Variants in FRMD4A observed in about 807,000 individuals in gnomAD.
The protein encoded by FRMD4A is FERM domain containing 4A, also known as FERM domain-containing protein 4A.
In FRMD4A, 29 loss-of-function variants were observed where a neutral mutation model predicts 129.1. That is an observed-to-expected ratio of 0.22 (90% CI 0.17 to 0.31). FRMD4A has a LOEUF of 0.31. FRMD4A is among the 10% of genes least tolerant of loss of function. The pLI is 1.00. For synonymous variants in FRMD4A, 634 were observed against 571.6 expected (o/e 1.11, Z -1.56); for missense variants, 1,272 against 1,375.8 (o/e 0.92, Z 1.19).
chr10:13,788,550 A>G (rs998196614), intron 5 of FRMD4A, among the ~76,000 whole-genome samples: 8 of 152,176 alleles, frequency 5.3e-5, no homozygotes, highest in African/African-American at 1.9e-4. Context: ...CAGCTGAATC[A>G]TAATCAGACC....
intron 2 of FRMD4A, chr10:14,082,855 T>TTTTACA (rs1156287519): frequency 1.3e-5 from 2 of 152,150 alleles, no homozygotes; most frequent in Non-Finnish European, 2.9e-5. Flanking sequence ...TCTGAGCAAA[T>TTTTACA]AGATTTTACA....
At chr10:13,850,455 G>C (rs10796140) in intron 3 of FRMD4A, among the ~76,000 whole-genome samples, 2 of 151,916 alleles carry the variant, frequency 1.3e-5, no homozygotes, top group East Asian at 1.9e-4. Context: ...TGCTGTGGAA[G>C]TGTCTTCCAC....
chr10:13,895,625 G>A (rs920211521), intron 2 of FRMD4A, among the ~76,000 whole-genome samples: 1 of 152,162 alleles, frequency 6.6e-6, no homozygotes, highest in Admixed American at 6.6e-5. Flanking sequence ...AATAGGTCGT[G>A]ATGACTAAAA....
intron 2 of FRMD4A, among the ~76,000 whole-genome samples, chr10:14,305,556 C>T (rs1260403400): frequency 6.6e-6 from 1 of 151,878 alleles, no homozygotes; most frequent in Non-Finnish European, 1.5e-5. Flanking sequence ...ATCTTTAAGG[C>T]CAGATGGTGT....
intron 2 of FRMD4A, among the ~76,000 whole-genome samples, chr10:14,136,759 G>T (rs1432310531): frequency 6.7e-6 from 1 of 150,340 alleles, no homozygotes; most frequent in Non-Finnish European, 1.5e-5. Flanking sequence ...AATGTCTCTT[G>T]TCTTCCTTAA....
rs201345379 is a variant in FRMD4A, at chr10:13,674,887, C to T, written c.1251+24G>A. On this transcript the variant is annotated intron_variant, in intron 16 of 24. Coordinates refer to ENST00000357447, the MANE Select transcript of FRMD4A (RefSeq NM_018027.5). ...ACATCACAGACAACACCAATTTCAA[C>T]GGGATGAGCTAGGAAAGGCTTACAG... 1.2e-3 allele frequency: 1,902 copies of T among 1,611,964 alleles called. 4 individuals carry two copies. Among genetic ancestry groups the T allele is most frequent in the Non-Finnish European group, 1.4e-3 (1,617 of 1,178,274 alleles).
chr10:13,838,524 G>A (rs971947927), intron 3 of FRMD4A, among the ~76,000 whole-genome samples: 2 of 149,712 alleles, frequency 1.3e-5, no homozygotes, highest in South Asian at 2.1e-4. Context: ...ATTGAGTCTC[G>A]CTCTGTTGCC....
At chr10:14,061,300 A>T (rs1834801843) in intron 2 of FRMD4A, among the ~76,000 whole-genome samples, 1 of 152,022 alleles carries the variant, frequency 6.6e-6, no homozygotes, top group Non-Finnish European at 1.5e-5. Flanking sequence ...AAAAATACAA[A>T]AATTATCCAG....
intron 2 of FRMD4A, among the ~76,000 whole-genome samples, chr10:13,934,556 C>T (rs1054531510): frequency 6.6e-6 from 1 of 151,966 alleles, no homozygotes; most frequent in Non-Finnish European, 1.5e-5. Context: ...CAGGGTAATC[C>T]CACTTATATC....
intron 2 of FRMD4A, among the ~76,000 whole-genome samples, chr10:14,092,970 T>G (rs901205610): frequency 6.6e-6 from 1 of 152,146 alleles, no homozygotes; most frequent in Admixed American, 6.5e-5. Context: ...AAAGTCAATA[T>G]GATTGGCCCA....
chr10:14,203,293 G>T (rs570117144), intron 2 of FRMD4A, among the ~76,000 whole-genome samples: 1 of 152,284 alleles, frequency 6.6e-6, no homozygotes, highest in South Asian at 2.1e-4. Flanking sequence ...TGACTACAAC[G>T]TCGTTTCCCC....
At chr10:14,228,258 G>A (rs927956402) in intron 2 of FRMD4A, among the ~76,000 whole-genome samples, 1 of 152,092 alleles carries the variant, frequency 6.6e-6, no homozygotes, top group African/African-American at 2.4e-5. Context: ...CTCACACCCA[G>A]GAATTCAAAT....
intron 2 of FRMD4A, among the ~76,000 whole-genome samples, chr10:13,989,835 C>G (rs1043170156): frequency 9.2e-5 from 14 of 152,194 alleles, no homozygotes; most frequent in African/African-American, 3.1e-4. Flanking sequence ...CAGACAAACT[C>G]CATGGAACAT....
intron 2 of FRMD4A, among the ~76,000 whole-genome samples, chr10:14,251,693 T>C (rs147231540): frequency 7.9e-5 from 12 of 152,290 alleles, no homozygotes; most frequent in African/African-American, 2.9e-4. Flanking sequence ...AGAAGTCTCT[T>C]TGAGTGGCTC....
At chr10:14,243,846 G>T (rs1316745357) in intron 2 of FRMD4A, among the ~76,000 whole-genome samples, 7 of 148,900 alleles carry the variant, frequency 4.7e-5, no homozygotes, top group African/African-American at 1.5e-4. Context: ...AAAAAAAAAG[G>T]AGTAGTCAGC....
At chr10:14,044,994 C>T (rs1833927499) in intron 2 of FRMD4A, among the ~76,000 whole-genome samples, 1 of 152,086 alleles carries the variant, frequency 6.6e-6, no homozygotes. Context: ...CCTCAAACTC[C>T]TGGCCTCAAG....
chr10:14,025,625 T>G (rs990619134), intron 2 of FRMD4A, among the ~76,000 whole-genome samples: 22 of 152,132 alleles, frequency 1.4e-4, no homozygotes, highest in Non-Finnish European at 2.9e-5. Context: ...CCACCATCCA[T>G]CTCCAGAACT....
intron 2 of FRMD4A, among the ~76,000 whole-genome samples, chr10:14,053,248 C>T (rs114020267): frequency 3.9e-5 from 6 of 152,274 alleles, no homozygotes; most frequent in African/African-American, 1.4e-4. Flanking sequence ...GGTGTATTAG[C>T]ATAGACCCTT....
chr10:14,062,799 C>T (rs1158130171), intron 2 of FRMD4A, among the ~76,000 whole-genome samples: 1 of 152,142 alleles, frequency 6.6e-6, no homozygotes, highest in Non-Finnish European at 1.5e-5. Context: ...CACAGTGGCT[C>T]ACGTGTGTAA....
Sources: gnomAD v4.1 joint callset for allele counts (sites outside exome capture counted in the v4.1 genomes callset) on GRCh38, gnomAD v4.1.1 for gene constraint, MANE v1.5 for transcripts, NCBI Gene and HGNC (gene_info 2026-07-23, HGNC 2026-07-21) for gene names.